VPS13D: variants seen among roughly 807,000 people sequenced by gnomAD.
The protein encoded by VPS13D is vacuolar protein sorting 13 homolog D.
Under a neutral mutation model 461.9 loss-of-function variants are expected in VPS13D, and 187 were observed. That is an observed-to-expected ratio of 0.40 (90% CI 0.36 to 0.46). VPS13D has a LOEUF of 0.46. Among genes scored for constraint, VPS13D ranks in the 20% least tolerant of loss-of-function variants. The pLI is 0.60. For missense variants in VPS13D, 4,711 were observed against 5,364.9 expected (o/e 0.88, Z 3.81); for synonymous variants, 1,951 against 1,986.3 (o/e 0.98, Z 0.47).
At chr1:12,480,676 G>C (rs1384675676) in intron 67 of VPS13D, among the ~76,000 whole-genome samples, 1 of 152,156 alleles carries the variant, frequency 6.6e-6, no homozygotes, top group African/African-American at 2.4e-5. Flanking sequence ...GAATTCTGCT[G>C]CTCTTTTGAA....
chr1:12,368,710 G>A (rs1644073580), intron 53 of VPS13D, 119 bp downstream of exon 53: 3 of 1,221,890 alleles, frequency 2.5e-6, no homozygotes, highest in Non-Finnish European at 3.3e-6. Context: ...AAACTATATG[G>A]ATAGGTTCTT....
In VPS13D at chr1:12,323,888, A is replaced by G. The variant is rs544795475; in HGVS notation, c.7990+108A>G. 144 of 1,143,158 alleles carry G rather than the reference A, an allele frequency of 1.3e-4. No homozygotes were observed. The African/African-American group carries it at 2.0e-3, about 16-fold the overall frequency. The allele number at this position is 1,143,158 out of a possible 1,614,324, so 70.8% of individuals were successfully genotyped here. ...GACTTAGAGAGCTGAGTGTGTTTGG[A>G]GGACGCTTTATGTGTCTTCTCTGGA... On this transcript the variant is annotated intron_variant, in intron 35 of 69. Transcript: ENST00000620676.
At chr1:12,478,852 G>C in intron 67 of VPS13D, 1 of 456,088 alleles carries the variant, frequency 2.2e-6, no homozygotes, top group Non-Finnish European at 4.4e-6. Context: ...CTGTCTCCAA[G>C]GAGGCCGCAT....
At chr1:12,362,932 T>G in intron 51 of VPS13D, 82 bp downstream of exon 51, 1 of 1,596,376 alleles carries the variant, frequency 6.3e-7, no homozygotes, top group Non-Finnish European at 8.5e-7. Flanking sequence ...GACTGTACGT[T>G]CTGTGATGCA....
intron 67 of VPS13D, among the ~76,000 whole-genome samples, chr1:12,486,891 C>T (rs77051716): frequency 0.034 from 5,158 of 152,214 alleles, 175 homozygotes; most frequent in Admixed American, 0.11. Flanking sequence ...CCGTTCTGAG[C>T]GCTGAGGTGC....
intron 50 of VPS13D, among the ~76,000 whole-genome samples, chr1:12,359,028 A>G (rs1643913342): frequency 6.6e-6 from 1 of 152,188 alleles, no homozygotes; most frequent in Admixed American, 6.5e-5. Flanking sequence ...TGACCTGCCT[A>G]GATGCAAAGG....
In VPS13D at chr1:12,484,673, G is replaced by A. The variant is rs115323463; in HGVS notation, c.12663-12827G>A. Among the ~76,000 whole-genome samples the A allele has an allele frequency of 6.0e-3, 921 of 152,318 alleles. 13 individuals carry two copies. The highest frequency in any genetic ancestry group is 0.02 in the African/African-American group (812 of 41,562). On this transcript the variant is annotated intron_variant, in intron 67 of 69. Coordinates refer to ENST00000620676, the MANE Select transcript of VPS13D (RefSeq NM_015378.4). ...GTCAGTGCAGCTGTAGAGACATAGC[G>A]TGGACCTTGGTGGCCCAGCAGTCTC...
intron 54 of VPS13D, among the ~76,000 whole-genome samples, chr1:12,372,691 A>C (rs1262255447): frequency 6.6e-6 from 1 of 152,012 alleles, no homozygotes; most frequent in Admixed American, 6.5e-5. Flanking sequence ...TCAAGCACAG[A>C]AGTTTCTCAT....
At chr1:12,278,151 A>G in intron 19 of VPS13D, 113 bp downstream of exon 19, 1 of 1,142,566 alleles carries the variant, frequency 8.8e-7, no homozygotes, top group Non-Finnish European at 1.2e-6. Context: ...AATAATCCTC[A>G]GTTAATATTT....
At chr1:12,316,977 C>T (rs549685531) in intron 30 of VPS13D, among the ~76,000 whole-genome samples, 6 of 151,928 alleles carry the variant, frequency 3.9e-5, no homozygotes, top group Admixed American at 1.3e-4. Flanking sequence ...ATGTAGACTT[C>T]GGAGCAATGG....
At chr1:12,443,118 C>T (rs542317642) in intron 65 of VPS13D, among the ~76,000 whole-genome samples, 1 of 152,348 alleles carries the variant, frequency 6.6e-6, no homozygotes, top group African/African-American at 2.4e-5. Context: ...ACTTTATACC[C>T]TGAGGTGTTC....
chr1:12,293,273 A>G (rs1269115279), intron 23 of VPS13D, among the ~76,000 whole-genome samples: 1 of 152,232 alleles, frequency 6.6e-6, no homozygotes, highest in Non-Finnish European at 1.5e-5. Context: ...TCAGAGCCTC[A>G]GGTGGCCTCT....
chr1:12,381,966 CTTTCTTTCTTTCTT>C (rs1321201756), intron 57 of VPS13D, among the ~76,000 whole-genome samples: 3 of 133,378 alleles, frequency 2.2e-5, no homozygotes, highest in African/African-American at 5.8e-5. Context: ...TTCTTTCTTT[CTTTCTTTCTTTCTT>C]TCTCTCTCTC....
intron 40 of VPS13D, among the ~76,000 whole-genome samples, chr1:12,339,515 G>A (rs939625314): frequency 1.1e-4 from 16 of 152,204 alleles, no homozygotes; most frequent in African/African-American, 3.9e-4. Flanking sequence ...GGTAGCTTTA[G>A]ACTCTCTCTC....
intron 66 of VPS13D, 48 bp from the exon 67 acceptor site, chr1:12,460,147 ATGCTTT>A (rs1200272857): frequency 6.8e-7 from 1 of 1,466,552 alleles, no homozygotes. Context: ...TTGGCTTTAA[ATGCTTT>A]TGCTTTTGTC....
intron 5 of VPS13D, among the ~76,000 whole-genome samples, chr1:12,248,832 A>G (rs950777410): frequency 6.6e-6 from 1 of 151,658 alleles, no homozygotes; most frequent in Admixed American, 6.6e-5. Flanking sequence ...TCTGTATACA[A>G]TGGCTTTGCT....
rs754871717 is a variant in VPS13D at position 12,282,974 on chromosome 1, A to G, written c.4872A>G (p.Ile1624Met). 1.9e-6 allele frequency: 3 copies of G among 1,614,084 alleles called. No individual in the cohort carries two copies. Among genetic ancestry groups the G allele is most frequent in the African/African-American group, 1.3e-5 (1 of 74,930 alleles). ...CTCAGATTCAAGCCACCTTTTGTAT[A>G]TCAGAGCTTCAGGTTCAGCTAAGTG... ...SFTQIQATFCISELQVQLSGD... is the reference protein window; with the variant it reads ...SFTQIQATFCMSELQVQLSGD... The change falls in exon 21 of 70, where the codon ATA (isoleucine) becomes ATG (methionine). Residue 1624 changes from isoleucine (I) to methionine (M), a missense_variant. By Grantham distance (10) the Ile-to-Met change is conservative (BLOSUM62 1). Coordinates refer to ENST00000620676, the MANE Select transcript of VPS13D (RefSeq NM_015378.4).
rs561866277 is a variant in VPS13D at position 12,312,480 on chromosome 1, A to G, written c.6935+555A>G. Among the ~76,000 whole-genome samples the G allele has an allele frequency of 5.9e-5, 9 of 152,326 alleles. No homozygotes were observed. The East Asian group carries it at 1.7e-3, about 29-fold the overall frequency. ...GCCAACATTTTCAAAGTTAGGGGCTAGGCGCAGTGGCTCAGGCCTGTAGTC... is the reference window on the plus strand; with the variant it reads ...GCCAACATTTTCAAAGTTAGGGGCTGGGCGCAGTGGCTCAGGCCTGTAGTC... On this transcript the variant is annotated intron_variant, in intron 29 of 69. Transcript: ENST00000620676.
chr1:12,493,684 G>A (rs1645918665), intron 67 of VPS13D, among the ~76,000 whole-genome samples: 1 of 152,162 alleles, frequency 6.6e-6, no homozygotes, highest in South Asian at 2.1e-4. Flanking sequence ...AAACAGCGTC[G>A]TCACACAGTG....
Sources: gnomAD v4.1 joint callset for allele counts (sites outside exome capture counted in the v4.1 genomes callset) on GRCh38, gnomAD v4.1.1 for gene constraint, MANE v1.5 for transcripts, NCBI Gene and HGNC (gene_info 2026-07-23, HGNC 2026-07-21) for gene names.